Variants in SLC6A2 observed in about 807,000 individuals in gnomAD.
SLC6A2 encodes the protein sodium-dependent noradrenaline transporter.
A neutral mutation model predicts 71.7 loss-of-function variants in SLC6A2; 26 were observed. The observed-to-expected ratio is 0.36, with a 90% CI of 0.27 to 0.50. The LOEUF (loss-of-function observed/expected upper bound fraction) is 0.50, where lower values mean the gene tolerates loss of function less well. Ranked by LOEUF, SLC6A2 falls within the 20% of genes least tolerant of loss-of-function variation. The pLI is 0.96. For missense variants in SLC6A2, 581 were observed against 803.9 expected (o/e 0.72, Z 3.35); for synonymous variants, 363 against 337.9 (o/e 1.07, Z -0.82).
chr16:55,678,090 A>AT (rs1437601824), intron 4 of SLC6A2, among the ~76,000 whole-genome samples: 3 of 152,178 alleles, frequency 2.0e-5, no homozygotes, highest in Admixed American at 2.0e-4. Context: ...ATCTCCTCAC[A>AT]TCCAAATCCC....
At position 55,661,256 on chromosome 16, in the gene SLC6A2, C is replaced by G. The variant is rs35569556; in HGVS notation, c.274+4288C>G. Among the ~76,000 whole-genome samples, 13,671 of 152,222 alleles carry G rather than the reference C, an allele frequency of 0.09. 764 individuals are homozygous for G. Among genetic ancestry groups the G allele is most frequent in the Non-Finnish European group, 0.12 (7,930 of 68,008 alleles). On this transcript the variant is annotated intron_variant, in intron 2 of 14. Coordinates refer to ENST00000568943, the MANE Select transcript of SLC6A2 (RefSeq NM_001172501.3). ...TGCACATGGCTGCTTCTGTTTGAGTCCTGTCCTGAGGCCAGCTTAGAGCTG... is the reference window on the plus strand; with the variant it reads ...TGCACATGGCTGCTTCTGTTTGAGTGCTGTCCTGAGGCCAGCTTAGAGCTG...
At position 55,699,545 on chromosome 16, in the gene SLC6A2, T is replaced by C; in HGVS notation, c.1490-9T>C. The C allele has an allele frequency of 6.2e-7, 1 of 1,601,646 alleles. No homozygotes were observed. Among genetic ancestry groups the C allele is most frequent in the Non-Finnish European group, 8.6e-7 (1 of 1,168,622 alleles). ...GCCATGGTAACAGGCCTGCCCTGTG[T>C]GTGCACAGGAGTGGACAGGTTCAGC... On this transcript the variant is annotated splice_polypyrimidine_tract_variant and intron_variant, in intron 11 of 14. Transcript: ENST00000568943.
Position 55,701,865 on chromosome 16 carries a change from A to G in SLC6A2, c.1761A>G (p.Arg587=), listed in dbSNP as rs780140544. 6.2e-7 allele frequency: 1 copy of G among 1,613,488 alleles called. No individual in the cohort carries two copies. Among genetic ancestry groups the G allele is most frequent in the Non-Finnish European group, 8.5e-7 (1 of 1,179,522 alleles). The stretch of plus-strand genomic sequence containing the variant: ...TCCTCCCCTTCTCTTCCTTTCAGAG[A>G]CTGGCCTATGGCATCACGCCAGAGA... ...FLSTQGSLWE[R]LAYGITPENE... Residue 587 remains arginine, a splice_region_variant and synonymous_variant, in exon 14 of 15, where the codon AGA becomes AGG. Coordinates refer to ENST00000568943, the MANE Select transcript of SLC6A2 (RefSeq NM_001172501.3).
chr16:55,677,450 C>T (rs1965125835), intron 4 of SLC6A2, among the ~76,000 whole-genome samples: 1 of 152,172 alleles, frequency 6.6e-6, no homozygotes, highest in Non-Finnish European at 1.5e-5. Context: ...GATTCCTCCG[C>T]TGATGTCTTC....
At position 55,672,152 on chromosome 16, in the gene SLC6A2, C is replaced by T. The variant is rs748539486; in HGVS notation, c.621C>T (p.Phe207=). The change falls in exon 4 of 15, where the codon TTC becomes TTT. Residue 207 remains phenylalanine, a synonymous_variant. Coordinates refer to ENST00000568943, the MANE Select transcript of SLC6A2 (RefSeq NM_001172501.3). ...ACACCAAGTACTCCAAGTACAAGTT[C>T]ACGCCGGCAGCCGAGTTTTATGAGT... ...GNHTKYSKYK[F]TPAAEFYERG... 4 of 1,614,194 alleles carry T rather than the reference C, an allele frequency of 2.5e-6. No homozygotes were observed. Among genetic ancestry groups the T allele is most frequent in the Admixed American group, 1.7e-5 (1 of 60,030 alleles).
At chr16:55,698,706 C>G in intron 11 of SLC6A2, 138 bp downstream of exon 11, 1 of 720,104 alleles carries the variant, frequency 1.4e-6, no homozygotes, top group Non-Finnish European at 2.5e-6. Flanking sequence ...GGGAACAAAT[C>G]TCAATCCTCG....
intron 3 of SLC6A2, 106 bp from the exon 4 acceptor site, chr16:55,671,832 C>T (rs755719598): frequency 8.3e-6 from 13 of 1,562,168 alleles, no homozygotes; most frequent in African/African-American, 1.4e-5. Flanking sequence ...CTGCAGGAAA[C>T]GAGAGACAGA....
intron 2 of SLC6A2, among the ~76,000 whole-genome samples, chr16:55,662,385 C>T (rs2142490548): frequency 6.6e-6 from 1 of 152,236 alleles, no homozygotes; most frequent in African/African-American, 2.4e-5. Flanking sequence ...TATCATATGC[C>T]AGGAATATGG....
At chr16:55,686,364 A>G (rs1327312801) in intron 5 of SLC6A2, among the ~76,000 whole-genome samples, 2 of 152,168 alleles carry the variant, frequency 1.3e-5, no homozygotes, top group African/African-American at 4.8e-5. Context: ...GCTGAGTTCC[A>G]AGAACATGTC....
chr16:55,683,980 C>G (rs1965364874), intron 4 of SLC6A2, among the ~76,000 whole-genome samples: 1 of 152,106 alleles, frequency 6.6e-6, no homozygotes, highest in Non-Finnish European at 1.5e-5. Flanking sequence ...CTAGAGCCAT[C>G]CCTCTGGAGG....
chr16:55,666,300 G>A (rs999857100), intron 2 of SLC6A2, among the ~76,000 whole-genome samples: 7 of 152,190 alleles, frequency 4.6e-5, no homozygotes, highest in African/African-American at 1.4e-4. Context: ...TACTTTTTAG[G>A]GGGTTTGCAA....
intron 2 of SLC6A2, among the ~76,000 whole-genome samples, chr16:55,668,389 G>T (rs1964812331): frequency 6.6e-6 from 1 of 152,200 alleles, no homozygotes; most frequent in African/African-American, 2.4e-5. Flanking sequence ...AGTGTGAGCT[G>T]CTGGTATCCA....
At position 55,684,900 on chromosome 16, in the gene SLC6A2, A is replaced by T. The variant is rs149958180; in HGVS notation, c.645-243A>T. Among the ~76,000 whole-genome samples, 285 of 152,354 alleles carry T rather than the reference A, an allele frequency of 1.9e-3. 1 individual carries two copies. Among genetic ancestry groups the T allele is most frequent in the African/African-American group, 6.4e-3 (267 of 41,580 alleles). ...AGATTTTTGTCTTTTAAAAGCAGCC[A>T]TGAGCGTGGAATCTCCCCAGATGAT... On this transcript the variant is annotated intron_variant, in intron 4 of 14. Transcript: ENST00000568943.
chr16:55,661,664 C>A lies in SLC6A2; in HGVS notation c.274+4696C>A, dbSNP rs575203349. 2.6e-5 allele frequency among the ~76,000 whole-genome samples: 4 copies of A among 152,326 alleles called. No homozygotes were observed. In the East Asian group the frequency reaches 7.7e-4, roughly 29 times the overall value. Reference sequence around the variant, plus strand: ...GTCCCACTTGGGTCTGGAGCCCAAGCATGATAGACTCAGGAATCAGGGGAT... The same window carrying A: ...GTCCCACTTGGGTCTGGAGCCCAAGAATGATAGACTCAGGAATCAGGGGAT... On this transcript the variant is annotated intron_variant, in intron 2 of 14. Transcript: ENST00000568943.
chr16:55,701,715 C>A, intron 13 of SLC6A2, 148 bp from the exon 14 acceptor site: 1 of 713,738 alleles, frequency 1.4e-6, no homozygotes. Context: ...ACAAACAAAG[C>A]TGGAGGTGTC....
chr16:55,657,099 C>A lies in SLC6A2; in HGVS notation c.274+131C>A, dbSNP rs1449187962. ...GGGCAAATCTGGGGCGCAGAAAGAACTGGACAGGGCTAACGGGAAAAAAAA... is the reference window on the plus strand; with the variant it reads ...GGGCAAATCTGGGGCGCAGAAAGAAATGGACAGGGCTAACGGGAAAAAAAA... On this transcript the variant is annotated intron_variant, in intron 2 of 14. Transcript: ENST00000568943. 6 of 965,408 alleles carry A rather than the reference C, an allele frequency of 6.2e-6. No homozygotes were observed. In the African/African-American group the frequency reaches 8.5e-5, roughly 14 times the overall value. 59.8% of individuals were successfully genotyped at this position (965,408 alleles called of 1,614,324 possible).
chr16:55,685,323 A>G (rs1965417956), intron 5 of SLC6A2, 42 bp downstream of exon 5: 1 of 1,593,950 alleles, frequency 6.3e-7, no homozygotes, highest in Admixed American at 1.7e-5. Context: ...TGGGTGATCA[A>G]CCTTGGGGGG....
At chr16:55,691,882 G>C (rs1965641033) in intron 5 of SLC6A2, 36 bp from the exon 6 acceptor site, 2 of 1,613,410 alleles carry the variant, frequency 1.2e-6, no homozygotes, top group Middle Eastern at 1.7e-4. Flanking sequence ...ATTGGGGCCA[G>C]AGCGAGGCTC....
intron 4 of SLC6A2, among the ~76,000 whole-genome samples, chr16:55,674,319 A>C (rs60419866): frequency 0.048 from 7,249 of 152,274 alleles, 485 homozygotes; most frequent in African/African-American, 0.14. Flanking sequence ...TAATTTACTT[A>C]GGATAATGGC....
Sources: allele counts gnomAD v4.1 joint callset (sites outside exome capture counted in the v4.1 genomes callset), GRCh38; gene constraint gnomAD v4.1.1; transcripts MANE v1.5; gene names NCBI Gene and HGNC (gene_info 2026-07-23, HGNC 2026-07-21).